Variants in STAMBPL1 observed in about 807,000 individuals in gnomAD.
The protein encoded by STAMBPL1 is AMSH-like protease.
In STAMBPL1, 44 loss-of-function variants were observed where a neutral mutation model predicts 52.9. The observed-to-expected ratio is 0.83, with a 90% CI of 0.65 to 1.07. STAMBPL1 has a LOEUF of 1.07. Ranked by LOEUF, STAMBPL1 falls within the 50% of genes least tolerant of loss-of-function variation. The pLI is 0.00. For synonymous variants in STAMBPL1, 164 were observed against 177.3 expected (o/e 0.92, Z 0.60); for missense variants, 511 against 520.8 (o/e 0.98, Z 0.18).
chr10:88,895,744 C>G (rs1439913725), intron 1 of STAMBPL1, among the ~76,000 whole-genome samples: 2 of 152,168 alleles, frequency 1.3e-5, no homozygotes, highest in African/African-American at 4.8e-5. Context: ...ACTGGCCCCT[C>G]CTAAAGTAGT....
chr10:88,882,143 A>T (rs1422983771), intron 1 of STAMBPL1: 1 of 152,234 alleles, frequency 6.6e-6, no homozygotes, highest in Non-Finnish European at 1.5e-5. Context: ...TAAAGTAAGC[A>T]CCAAAATTTA....
Position 88,882,044 on chromosome 10 carries a change from T to G in STAMBPL1, c.-54+1406T>G, listed in dbSNP as rs538039955. ...AGATACAGCAAATTGCCACTAAGAA[T>G]CTGCTTTTGCGTATACGTTGGCTGT... On this transcript the variant is annotated intron_variant, in intron 1 of 10. Transcript: ENST00000371926. 3.3e-5 allele frequency: 5 copies of G among 152,348 alleles called. No individual in the cohort carries two copies. The South Asian group carries it at 8.3e-4, about 25-fold the overall frequency. The allele number at this position is 152,348 out of a possible 1,614,324, so 9.4% of individuals were successfully genotyped here.
chr10:88,917,955 G>A (rs932530171), intron 8 of STAMBPL1, among the ~76,000 whole-genome samples: 6 of 152,092 alleles, frequency 3.9e-5, no homozygotes, highest in African/African-American at 1.4e-4. Context: ...AGGCAGAAGG[G>A]CAAGAGAGCA....
In STAMBPL1 at chr10:88,905,452, G is replaced by A. The variant is rs370800113; in HGVS notation, c.40G>A (p.Ala14Thr). 13 of 1,613,750 alleles carry A rather than the reference G, an allele frequency of 8.1e-6. No individual in the cohort carries two copies. In the African/African-American group the frequency reaches 1.6e-4, roughly 20 times the overall value. Reference protein sequence around the residue: ...PFTVNSLKKLAAMPDHTDVSL... With the variant: ...PFTVNSLKKLTAMPDHTDVSL... ...AAATTTTGCTTTGCAGAAAAAGTTA[G>A]CTGCTATGCCTGACCATACAGATGT... Residue 14 changes from alanine to threonine, a missense_variant, in exon 3 of 11, where the codon GCT becomes ACT. This residue lies in a region of STAMBPL1 where 358 missense variants were observed against 343.5 expected (regional missense o/e 1.04). Transcript: ENST00000371926.
At position 88,881,099 on chromosome 10, in the gene STAMBPL1, G is replaced by A. The variant is rs539006105; in HGVS notation, c.-54+461G>A. On this transcript the variant is annotated intron_variant, in intron 1 of 10. Transcript: ENST00000371926. ...GTTAGAAAAACGGACCTTTACCCCGGCCGAGCAGGTGCCATGCCTTTCCAG... is the reference window on the plus strand; with the variant it reads ...GTTAGAAAAACGGACCTTTACCCCGACCGAGCAGGTGCCATGCCTTTCCAG... 1.2e-4 allele frequency among the ~76,000 whole-genome samples: 18 copies of A among 152,244 alleles called. 3 individuals are homozygous for A. The highest frequency in any genetic ancestry group is 4.3e-4 in the African/African-American group (18 of 41,528).
At chr10:88,922,524 A>G (rs1382654935) in intron 10 of STAMBPL1, 88 bp downstream of exon 10, 3 of 1,180,462 alleles carry the variant, frequency 2.5e-6, no homozygotes, top group African/African-American at 1.5e-5. Context: ...GCAGTCTAAT[A>G]TAAGATAAAA....
At chr10:88,900,810 A>G (rs73364841) in intron 1 of STAMBPL1, among the ~76,000 whole-genome samples, 8,215 of 152,232 alleles carry the variant, frequency 0.054, 569 homozygotes, top group African/African-American at 0.16. Flanking sequence ...TAGATCCTCT[A>G]CTCATGGTCT....
At chr10:88,884,194 A>C (rs1844473254) in intron 1 of STAMBPL1, among the ~76,000 whole-genome samples, 1 of 152,246 alleles carries the variant, frequency 6.6e-6, no homozygotes, top group Non-Finnish European at 1.5e-5. Flanking sequence ...TATGTAAAAT[A>C]AAAAACTGCT....
At chr10:88,908,869 T>G (rs1845145976) in intron 4 of STAMBPL1, 92 bp downstream of exon 4, 1 of 1,082,740 alleles carries the variant, frequency 9.2e-7, no homozygotes, top group Admixed American at 2.9e-5. Context: ...TTTCTCTTTC[T>G]CTTGAGAGTT....
chr10:88,888,324 G>A (rs1844590548), intron 1 of STAMBPL1, among the ~76,000 whole-genome samples: 2 of 152,160 alleles, frequency 1.3e-5, no homozygotes, highest in Non-Finnish European at 1.5e-5. Flanking sequence ...TTTTGAGCCG[G>A]GGACTAACTG....
chr10:88,922,253 G>A, intron 9 of STAMBPL1, 84 bp from the exon 10 acceptor site: 5 of 1,221,644 alleles, frequency 4.1e-6, no homozygotes. Context: ...TGAGGAATAT[G>A]TATGTGTGTG....
intron 1 of STAMBPL1, chr10:88,893,875 A>C (rs1049916626): frequency 2.6e-5 from 4 of 152,232 alleles, no homozygotes; most frequent in African/African-American, 4.8e-5. Context: ...TCCAAGGCCC[A>C]AGGATGTGAC....
Position 88,910,983 on chromosome 10 carries a change from T to C in STAMBPL1, c.392T>C (p.Val131Ala). 1.3e-6 allele frequency: 2 copies of C among 1,593,402 alleles called. No homozygotes were observed. The highest frequency in any genetic ancestry group is 1.7e-6 in the Non-Finnish European group (2 of 1,172,688). Residue 131 changes from valine to alanine, a missense_variant, in exon 5 of 11, where the codon GTA becomes GCA. Val to Ala is a moderately conservative substitution (Grantham distance 64). This residue lies in a region of STAMBPL1 where 358 missense variants were observed against 343.5 expected (regional missense o/e 1.04). Transcript: ENST00000371926. ...LKNDLLKKYN[V>A]EYQEYLQSKN... ...AACGACCTTTTAAAGAAATATAACGTAGAATACCAAGAATATTTGCAAAGC... is the reference window on the plus strand; with the variant it reads ...AACGACCTTTTAAAGAAATATAACGCAGAATACCAAGAATATTTGCAAAGC...
chr10:88,910,264 C>G (rs748612914), intron 4 of STAMBPL1, among the ~76,000 whole-genome samples: 1 of 152,132 alleles, frequency 6.6e-6, no homozygotes, highest in African/African-American at 2.4e-5. Flanking sequence ...TAATACCGAA[C>G]AGGACTTTCA....
rs1340440330 is a variant in STAMBPL1 at position 88,905,606 on chromosome 10, A to G, written c.194A>G (p.Tyr65Cys). The G allele has an allele frequency of 6.2e-7, 1 of 1,614,162 alleles. No homozygotes were observed. The highest frequency in any genetic ancestry group is 1.1e-5 in the South Asian group (1 of 91,084). Residue 65 changes from tyrosine to cysteine, a missense_variant, in exon 3 of 11, where the codon TAT becomes TGT. Transcript: ENST00000371926. The stretch of plus-strand genomic sequence containing the variant: ...GAGATGGAGAGGATGGCGTCTGTGT[A>G]TTTGGAAGAAGGAAATTTGGAAAAT... ...GVEMERMASV[Y>C]LEEGNLENAF...
chr10:88,920,019 T>G lies in STAMBPL1; in HGVS notation c.1042-1264T>G, dbSNP rs561163551. ...GCCTAGCTAATTAAAAAAACTTTTT[T>G]TTTGTTTGTTTTGGAGAGATGGAGT... On this transcript the variant is annotated intron_variant, in intron 8 of 10. Transcript: ENST00000371926. Among the ~76,000 whole-genome samples the G allele has an allele frequency of 1.3e-4, 20 of 152,190 alleles. No homozygotes were observed. In the East Asian group the frequency reaches 2.7e-3, roughly 21 times the overall value.
intron 3 of STAMBPL1, 111 bp downstream of exon 3, chr10:88,905,771 C>A: frequency 1.2e-6 from 1 of 811,126 alleles, no homozygotes; most frequent in Non-Finnish European, 1.9e-6. Context: ...ACCAATTGCA[C>A]AGTCTCTAGG....
At chr10:88,905,754 T>C in intron 3 of STAMBPL1, 94 bp downstream of exon 3, 1 of 975,744 alleles carries the variant, frequency 1.0e-6, no homozygotes, top group Non-Finnish European at 1.5e-6. Context: ...AATGTTTTCA[T>C]ATTCAGACCA....
chr10:88,889,744 T>C (rs1185694428), intron 1 of STAMBPL1, among the ~76,000 whole-genome samples: 2 of 152,220 alleles, frequency 1.3e-5, no homozygotes, highest in Non-Finnish European at 2.9e-5. Context: ...ACAGTAGTCA[T>C]CAAAATCAGT....
Sources: gnomAD v4.1 joint callset for allele counts (sites outside exome capture counted in the v4.1 genomes callset) on GRCh38, gnomAD v4.1.1 for gene constraint, gnomAD v4.1.1 regional missense constraint, MANE v1.5 for transcripts, NCBI Gene and HGNC (gene_info 2026-07-23, HGNC 2026-07-21) for gene names.